The following FOXP4 variants were observed in gnomAD, a reference collection of about 807,000 sequenced individuals.
The protein encoded by FOXP4 is forkhead box P4.
FOXP4 carries 25 observed loss-of-function variants against 82.6 expected under a neutral mutation model. The observed-to-expected ratio is 0.30, with a 90% confidence interval of 0.22 to 0.42. FOXP4 has a LOEUF of 0.42. Among genes scored for constraint, FOXP4 ranks in the 10% least tolerant of loss-of-function variants. The pLI is 1.00. For synonymous variants in FOXP4, 415 were observed against 388.2 expected (o/e 1.07, Z -0.81); for missense variants, 785 against 900.9 (o/e 0.87, Z 1.65).
chr6:41,576,516 A>T (rs1455190441), intron 2 of FOXP4, among the ~76,000 whole-genome samples: 1 of 152,146 alleles, frequency 6.6e-6, no homozygotes, highest in Admixed American at 6.5e-5. Flanking sequence ...CCATACAGAA[A>T]AAACAAGTGT....
chr6:41,577,167 A>G (rs1215747964), intron 2 of FOXP4, among the ~76,000 whole-genome samples: 2 of 151,994 alleles, frequency 1.3e-5, no homozygotes, highest in African/African-American at 4.8e-5. Context: ...TCCCACTCGT[A>G]TGACCCCTCT....
intron 1 of FOXP4, among the ~76,000 whole-genome samples, chr6:41,556,756 G>A (rs1485924968): frequency 6.6e-6 from 1 of 152,164 alleles, no homozygotes; most frequent in Admixed American, 6.5e-5. Context: ...CAGGCTCCAT[G>A]GTCCCCAGTG....
chr6:41,598,987 C>G lies in FOXP4; in HGVS notation c.*51C>G. The G allele has an allele frequency of 2.7e-6, 4 of 1,486,950 alleles. No homozygotes were observed. Among genetic ancestry groups the G allele is most frequent in the Non-Finnish European group, 3.6e-6 (4 of 1,119,910 alleles). 92.1% of individuals were successfully genotyped at this position (1,486,950 alleles called of 1,614,324 possible). The stretch of plus-strand genomic sequence containing the variant: ...GGGTGAGACCCCTCCCTTCCAGAAT[C>G]CAGGCCCCATCTCCCCCAACTCCAC... On this transcript the variant is annotated 3_prime_UTR_variant, in exon 17 of 17. Coordinates refer to ENST00000307972, the MANE Select transcript of FOXP4 (RefSeq NM_001012426.2).
rs1554173099 is a variant in FOXP4, at chr6:41,570,110, A to ACACACG, written c.204+4151_204+4152insGCACAC. On this transcript the variant is annotated intron_variant, in intron 2 of 16. Coordinates refer to ENST00000307972, the MANE Select transcript of FOXP4 (RefSeq NM_001012426.2). Reference sequence around the variant, plus strand: ...CACACACACACACACACACACACACACACACACGCAGTCAACAGTTGTCTT... The same window carrying ACACACG: ...CACACACACACACACACACACACACACACACGCACACACGCAGTCAACAGTTGTCTT... 32 of 345,932 alleles carry ACACACG rather than the reference A, an allele frequency of 9.3e-5. 1 individual carries two copies. The highest frequency in any genetic ancestry group is 6.8e-4 in the African/African-American group (31 of 45,732). The allele number at this position is 345,932 out of a possible 1,614,324, so 21.4% of individuals were successfully genotyped here.
intron 15 of FOXP4, 61 bp from the exon 16 acceptor site, chr6:41,597,720 T>G (rs1766935285): frequency 6.4e-7 from 1 of 1,560,572 alleles, no homozygotes; most frequent in South Asian, 1.2e-5. Flanking sequence ...GGCACAGCAC[T>G]TGACTGAGTG....
intron 2 of FOXP4, among the ~76,000 whole-genome samples, chr6:41,577,675 A>C (rs952011451): frequency 6.6e-6 from 1 of 151,924 alleles, no homozygotes; most frequent in African/African-American, 2.4e-5. Flanking sequence ...CCCTGAGTCA[A>C]CCCCCTTTAT....
chr6:41,584,962 C>G, intron 4 of FOXP4, 71 bp downstream of exon 4: 5 of 1,503,342 alleles, frequency 3.3e-6, no homozygotes, highest in Non-Finnish European at 3.5e-6. Flanking sequence ...CTGTTTACAC[C>G]TCACCAAGGG....
At chr6:41,595,424 G>A (rs115816096) in intron 14 of FOXP4, among the ~76,000 whole-genome samples, 53 of 152,182 alleles carry the variant, frequency 3.5e-4, no homozygotes, top group African/African-American at 1.2e-3. Flanking sequence ...TTCATCTTAC[G>A]GCAGAGGAGA....
intron 1 of FOXP4, among the ~76,000 whole-genome samples, chr6:41,555,405 G>C (rs930848181): frequency 3.3e-5 from 5 of 152,186 alleles, no homozygotes; most frequent in Non-Finnish European, 5.9e-5. Flanking sequence ...CTATGATAAA[G>C]TCATCACTTG....
chr6:41,555,271 G>C (rs188973489), intron 1 of FOXP4, among the ~76,000 whole-genome samples: 223 of 152,222 alleles, frequency 1.5e-3, no homozygotes, highest in African/African-American at 5.1e-3. Context: ...AGAACTGATG[G>C]TTGTGGGTGA....
At chr6:41,578,348 T>C (rs997518980) in intron 3 of FOXP4, among the ~76,000 whole-genome samples, 1 of 152,150 alleles carries the variant, frequency 6.6e-6, no homozygotes, top group Admixed American at 6.5e-5. Context: ...CCCTGTCTCT[T>C]TGTACCTCTC....
intron 2 of FOXP4, among the ~76,000 whole-genome samples, chr6:41,574,218 C>T (rs1765350859): frequency 6.6e-6 from 1 of 152,122 alleles, no homozygotes. Flanking sequence ...TGAACACATG[C>T]AGATTAGGGG....
chr6:41,565,741 C>A lies in FOXP4; in HGVS notation c.-16-4C>A. 1 of 1,575,990 alleles carries A rather than the reference C, an allele frequency of 6.3e-7. No individual in the cohort carries two copies. The highest frequency in any genetic ancestry group is 8.7e-7 in the Non-Finnish European group (1 of 1,155,692). ...TCTCCCCTGTGTCTCTCTTCCTCCT[C>A]CAGGTACCGCTAGAGCGACATGATG... On this transcript the variant is annotated splice_polypyrimidine_tract_variant and splice_region_variant and intron_variant, in intron 1 of 16. Transcript: ENST00000307972.
chr6:41,553,938 G>A (rs1289709400), intron 1 of FOXP4, among the ~76,000 whole-genome samples: 1 of 152,178 alleles, frequency 6.6e-6, no homozygotes, highest in Non-Finnish European at 1.5e-5. Context: ...GGAAGCCCTT[G>A]CTCTGCCCCC....
chr6:41,587,575 C>T, intron 7 of FOXP4, 63 bp downstream of exon 7: 3 of 1,321,908 alleles, frequency 2.3e-6, no homozygotes, highest in East Asian at 2.4e-5. Context: ...TGGCCCCCCA[C>T]CCATGAGGGC....
At chr6:41,584,946 C>A in intron 4 of FOXP4, 55 bp downstream of exon 4, 2 of 1,541,196 alleles carry the variant, frequency 1.3e-6, no homozygotes, top group East Asian at 2.3e-5. Context: ...CCTGGCTCCT[C>A]CCACCCTGTT....
intron 16 of FOXP4, 74 bp downstream of exon 16, chr6:41,598,024 C>T (rs1189078480): frequency 2.3e-6 from 3 of 1,305,508 alleles, no homozygotes; most frequent in Non-Finnish European, 3.0e-6. Flanking sequence ...ATCCCCCACC[C>T]TGGGTGGGGT....
chr6:41,573,043 G>A (rs984899687), intron 2 of FOXP4, among the ~76,000 whole-genome samples: 3 of 152,086 alleles, frequency 2.0e-5, no homozygotes, highest in African/African-American at 7.2e-5. Context: ...AGCTCTCCAG[G>A]GGTTGTGGCC....
intron 1 of FOXP4, among the ~76,000 whole-genome samples, chr6:41,559,418 C>T (rs1213345599): frequency 1.3e-5 from 2 of 152,234 alleles, no homozygotes; most frequent in African/African-American, 2.4e-5. Context: ...CCTGGCCAAC[C>T]ACTGGAGGAG....
Sources: allele counts gnomAD v4.1 joint callset (sites outside exome capture counted in the v4.1 genomes callset), GRCh38; gene constraint gnomAD v4.1.1; transcripts MANE v1.5; gene names NCBI Gene and HGNC (gene_info 2026-07-23, HGNC 2026-07-21).